Variants in CNTN4 observed in about 807,000 individuals in gnomAD.
The protein encoded by CNTN4 is contactin-4.
CNTN4 carries 77 observed loss-of-function variants against 122.5 expected under a neutral mutation model. The ratio of observed to expected loss-of-function variants is 0.63; its 90% CI spans 0.52 to 0.76. The LOEUF (loss-of-function observed/expected upper bound fraction) is 0.76, where lower values mean the gene tolerates loss of function less well. Ranked by LOEUF, CNTN4 falls within the 30% of genes least tolerant of loss-of-function variation. The pLI is 0.00. For missense variants in CNTN4, 1,256 were observed against 1,259.1 expected (o/e 1.00, Z 0.04); for synonymous variants, 512 against 447.0 (o/e 1.15, Z -1.83).
At chr3:2,317,967 T>C (rs745473817) in intron 2 of CNTN4, among the ~76,000 whole-genome samples, 23 of 152,224 alleles carry the variant, frequency 1.5e-4, no homozygotes, top group South Asian at 4.1e-4. Flanking sequence ...GTCTGCATTT[T>C]CCCCATTGCT....
In CNTN4 at chr3:2,591,586, G is replaced by A. The variant is rs1273407142; in HGVS notation, c.55+20028G>A. ...TCACCGTTTTAGCCAGGATGGTCTC[G>A]ATCTCCTGACCTCGTGATCCGCCCG... On this transcript the variant is annotated intron_variant, in intron 4 of 24. Coordinates refer to ENST00000418658, the MANE Select transcript of CNTN4 (RefSeq NM_175607.3). 9.1e-5 allele frequency among the ~76,000 whole-genome samples: 12 copies of A among 131,970 alleles called. 2 individuals carry two copies. In the East Asian group the frequency reaches 1.7e-3, roughly 19 times the overall value. The allele number at this position is 131,970 out of a possible 152,430, so 86.6% of individuals were successfully genotyped here. A position where few individuals can be genotyped will look rare whatever the true frequency, so the allele number is the denominator to read the frequency against.
In CNTN4 at chr3:2,969,215, G is replaced by T. The variant is rs116232260; in HGVS notation, c.1359-19130G>T. On this transcript the variant is annotated intron_variant, in intron 13 of 24. Coordinates refer to ENST00000418658, the MANE Select transcript of CNTN4 (RefSeq NM_175607.3). ...TCATTCTTAGCCAATCTATTCCCTG[G>T]TGAAACGACAAATGACCCCTAGCGG... Among the ~76,000 whole-genome samples, 768 of 152,224 alleles carry T rather than the reference G, an allele frequency of 5.0e-3. 9 individuals are homozygous for T. Among genetic ancestry groups the T allele is most frequent in the African/African-American group, 0.018 (733 of 41,522 alleles).
At chr3:2,908,362 A>T (rs1321970048) in intron 12 of CNTN4, among the ~76,000 whole-genome samples, 2 of 152,226 alleles carry the variant, frequency 1.3e-5, no homozygotes, top group African/African-American at 4.8e-5. Context: ...CCAAACTTGA[A>T]ATCATTGGGT....
chr3:2,188,198 TG>T (rs764357078), intron 2 of CNTN4, among the ~76,000 whole-genome samples: 27 of 152,238 alleles, frequency 1.8e-4, no homozygotes, highest in Middle Eastern at 3.4e-3. Context: ...TTGAGATCCT[TG>T]TTCCTCTGGC....
At chr3:2,278,677 A>C (rs529098129) in intron 2 of CNTN4, among the ~76,000 whole-genome samples, 13 of 152,334 alleles carry the variant, frequency 8.5e-5, no homozygotes, top group African/African-American at 2.9e-4. Context: ...TTAAATAGAC[A>C]AGATGCTTTT....
chr3:2,706,562 G>C (rs1275462416), intron 4 of CNTN4, among the ~76,000 whole-genome samples: 5 of 152,076 alleles, frequency 3.3e-5, no homozygotes, highest in African/African-American at 7.2e-5. Context: ...GTAATATTGG[G>C]GAGGTAGAGT....
chr3:2,166,282 C>G (rs980095708), intron 2 of CNTN4, among the ~76,000 whole-genome samples: 1 of 151,954 alleles, frequency 6.6e-6, no homozygotes, highest in African/African-American at 2.4e-5. Flanking sequence ...TCATCTCACA[C>G]CTGTTAGGAT....
intron 2 of CNTN4, among the ~76,000 whole-genome samples, chr3:2,144,570 T>C (rs1421497201): frequency 6.6e-6 from 1 of 152,180 alleles, no homozygotes; most frequent in Non-Finnish European, 1.5e-5. Flanking sequence ...CATGTGACCC[T>C]TGCCTAACTA....
chr3:2,142,948 C>G (rs2035072031), intron 2 of CNTN4, among the ~76,000 whole-genome samples: 3 of 152,206 alleles, frequency 2.0e-5, no homozygotes, highest in Admixed American at 2.0e-4. Context: ...CTTCTACTCT[C>G]CTCTGAAGGA....
chr3:2,565,477 C>T (rs558270254), intron 3 of CNTN4, among the ~76,000 whole-genome samples: 2 of 152,198 alleles, frequency 1.3e-5, no homozygotes, highest in South Asian at 4.1e-4. Context: ...TTTTCATTAT[C>T]CAAGAAGAAC....
rs372043656 is a variant in CNTN4 at position 2,709,168 on chromosome 3, A to G, written c.56-27047A>G. Among the ~76,000 whole-genome samples, 4 of 152,246 alleles carry G rather than the reference A, an allele frequency of 2.6e-5. No individual in the cohort carries two copies. Among genetic ancestry groups the G allele is most frequent in the African/African-American group, 7.2e-5 (3 of 41,464 alleles). On this transcript the variant is annotated intron_variant, in intron 4 of 24. Transcript: ENST00000418658. The surrounding 1 kb of genome is among the most constrained non-coding windows in gnomAD (Gnocchi z 5.0). The stretch of plus-strand genomic sequence containing the variant: ...TTTGATGAAAATCCAGCAAAAATGC[A>G]TATTGCATTTACAACAGACAAAACC...
intron 4 of CNTN4, among the ~76,000 whole-genome samples, chr3:2,688,693 A>T (rs1294479886): frequency 1.3e-5 from 2 of 152,180 alleles, no homozygotes; most frequent in Non-Finnish European, 2.9e-5. Flanking sequence ...GAATAGTCTC[A>T]TCCAGTTACC....
chr3:2,749,160 AT>A lies in CNTN4; in HGVS notation c.358+3469del, dbSNP rs1392678435. On this transcript the variant is annotated intron_variant, in intron 6 of 24. Transcript: ENST00000418658. ...AGTATCTTCTATTTCACTTACCAGA[AT>A]TTTTTGTTTTTTTATTTTTTGAGAC... is the stretch of plus-strand genomic sequence containing the variant. 3.3e-5 allele frequency among the ~76,000 whole-genome samples: 5 copies of A among 151,820 alleles called. No homozygotes were observed. The East Asian group carries it at 9.7e-4, about 29-fold the overall frequency.
chr3:3,015,164 A>C (rs934613495), intron 14 of CNTN4, among the ~76,000 whole-genome samples: 2 of 152,216 alleles, frequency 1.3e-5, no homozygotes, highest in Non-Finnish European at 2.9e-5. Context: ...TGCAGCAGGA[A>C]GAAGAGTCTC....
intron 4 of CNTN4, among the ~76,000 whole-genome samples, chr3:2,594,731 C>T (rs139134044): frequency 5.7e-4 from 86 of 152,172 alleles, no homozygotes; most frequent in East Asian, 3.9e-3. Flanking sequence ...CAAAATGGAT[C>T]TTGAAGAGTT....
Position 3,003,697 on chromosome 3 carries a change from A to C in CNTN4, c.1486+15225A>C, listed in dbSNP as rs56970889. 8.4e-4 allele frequency among the ~76,000 whole-genome samples: 110 copies of C among 130,552 alleles called. 1 individual carries two copies. Among genetic ancestry groups the C allele is most frequent in the Middle Eastern group, 3.8e-3 (1 of 264 alleles). 85.6% of individuals were successfully genotyped at this position (130,552 alleles called of 152,430 possible). The stretch of plus-strand genomic sequence containing the variant: ...TCATGGTTGCACCAAAAAAAAAAAA[A>C]AAAAAAAAAAAAAAAAACAAAAAAA... On this transcript the variant is annotated intron_variant, in intron 14 of 24. Coordinates refer to ENST00000418658, the MANE Select transcript of CNTN4 (RefSeq NM_175607.3).
intron 2 of CNTN4, among the ~76,000 whole-genome samples, chr3:2,221,061 A>T (rs976511747): frequency 6.6e-6 from 1 of 152,086 alleles, no homozygotes; most frequent in African/African-American, 2.4e-5. Context: ...CTAAGTAGTC[A>T]TTGCCTGCAG....
chr3:2,703,937 C>T (rs1032844856), intron 4 of CNTN4, among the ~76,000 whole-genome samples: 10 of 151,912 alleles, frequency 6.6e-5, no homozygotes, highest in Admixed American at 2.6e-4. Flanking sequence ...AGAAAATCTC[C>T]ATATAATTAT....
At chr3:2,362,548 C>T (rs557809338) in intron 3 of CNTN4, 10 of 603,914 alleles carry the variant, frequency 1.7e-5, no homozygotes, top group Non-Finnish European at 3.1e-5. Context: ...GCCCATTCCT[C>T]GGATTAACCA....
Sources: gnomAD v4.1 joint callset for allele counts (sites outside exome capture counted in the v4.1 genomes callset) on GRCh38, gnomAD v4.1.1 for gene constraint, Gnocchi (gnomAD v3.1) non-coding constraint, MANE v1.5 for transcripts, NCBI Gene and HGNC (gene_info 2026-07-23, HGNC 2026-07-21) for gene names.